Variants in ALMS1 observed in about 807,000 individuals in gnomAD.
ALMS1 encodes the protein centrosome-associated protein ALMS1.
In ALMS1, 271 loss-of-function variants were observed where a neutral mutation model predicts 352.2. The ratio of observed to expected loss-of-function variants is 0.77; its 90% CI spans 0.70 to 0.85. The LOEUF is 0.85. Ranked by LOEUF, ALMS1 falls within the 40% of genes least tolerant of loss-of-function variation. The probability of loss-of-function intolerance (pLI) is 0.00; values close to 1 mark genes in which losing one functional copy is unlikely to be tolerated. For synonymous variants in ALMS1, 1,865 were observed against 1,761.2 expected (o/e 1.06, Z -1.48); for missense variants, 5,445 against 4,870.7 (o/e 1.12, Z -3.51).
chr2:73,427,275 G>A (rs955236290), intron 6 of ALMS1, among the ~76,000 whole-genome samples: 2 of 152,174 alleles, frequency 1.3e-5, no homozygotes, highest in Non-Finnish European at 2.9e-5. Flanking sequence ...GAGGTGTCTT[G>A]AAAATTGTAA....
intron 11 of ALMS1, among the ~76,000 whole-genome samples, chr2:73,525,269 C>A (rs1673766424): frequency 6.6e-6 from 1 of 152,152 alleles, no homozygotes; most frequent in African/African-American, 2.4e-5. Flanking sequence ...TACTGACTTA[C>A]TTTATTTTGG....
At chr2:73,567,458 G>A (rs567541756) in intron 15 of ALMS1, among the ~76,000 whole-genome samples, 31 of 152,254 alleles carry the variant, frequency 2.0e-4, no homozygotes, top group African/African-American at 7.5e-4. Flanking sequence ...AGGAGCTAGG[G>A]TTAAGGCAAA....
chr2:73,525,930 A>G (rs1673781553), intron 11 of ALMS1, among the ~76,000 whole-genome samples: 1 of 152,088 alleles, frequency 6.6e-6, no homozygotes, highest in Non-Finnish European at 1.5e-5. Flanking sequence ...TAAGTCTTTA[A>G]TCCATTTTGA....
intron 9 of ALMS1, chr2:73,470,114 T>A (rs550096476): frequency 3.3e-5 from 5 of 151,994 alleles, no homozygotes; most frequent in Non-Finnish European, 7.4e-5. Flanking sequence ...TCTAGCTAAA[T>A]GTTTGTTAAC....
chr2:73,506,466 G>T (rs922215592), intron 10 of ALMS1, among the ~76,000 whole-genome samples: 14 of 152,106 alleles, frequency 9.2e-5, no homozygotes, highest in African/African-American at 3.4e-4. Context: ...ATTTCCTTGA[G>T]CAGTGGTTTG....
At chr2:73,394,232 A>C (rs981944490) in intron 1 of ALMS1, among the ~76,000 whole-genome samples, 1 of 152,138 alleles carries the variant, frequency 6.6e-6, no homozygotes, top group African/African-American at 2.4e-5. Flanking sequence ...GCCCCTTGCA[A>C]TTCCATATGA....
chr2:73,581,010 G>A (rs1675165913), intron 16 of ALMS1, among the ~76,000 whole-genome samples: 1 of 152,164 alleles, frequency 6.6e-6, no homozygotes, highest in Non-Finnish European at 1.5e-5. Flanking sequence ...TACTTGTACT[G>A]AGCCTAAAGG....
chr2:73,484,693 C>T (rs1395137407), intron 9 of ALMS1, among the ~76,000 whole-genome samples: 5 of 151,890 alleles, frequency 3.3e-5, no homozygotes, highest in Admixed American at 1.3e-4. Context: ...TCCATTCTCC[C>T]CATCACTTTC....
intron 10 of ALMS1, among the ~76,000 whole-genome samples, chr2:73,509,077 TA>T (rs1357145505): frequency 2.0e-5 from 3 of 151,856 alleles, no homozygotes; most frequent in African/African-American, 7.2e-5. Flanking sequence ...TTGTTGTTGT[TA>T]TTTTTTGCTT....
intron 6 of ALMS1, among the ~76,000 whole-genome samples, chr2:73,427,313 G>A (rs1671400548): frequency 6.6e-6 from 1 of 152,178 alleles, no homozygotes; most frequent in South Asian, 2.1e-4. Flanking sequence ...GAAGGATAAT[G>A]AAGTGCTTAA....
intron 10 of ALMS1, among the ~76,000 whole-genome samples, chr2:73,517,735 G>C (rs892558570): frequency 6.6e-5 from 10 of 151,000 alleles, no homozygotes; most frequent in African/African-American, 2.4e-4. Context: ...TCGGTTCATT[G>C]CAACCCCTGC....
chr2:73,451,746 C>G lies in ALMS1; in HGVS notation c.5219C>G (p.Ala1740Gly). The G allele has an allele frequency of 1.9e-6, 3 of 1,614,108 alleles. No homozygotes were observed. The highest frequency in any genetic ancestry group is 1.3e-5 in the African/African-American group (1 of 75,044). ...ACTCAAGAAGCTCTGAAAGTTTCAGCTGTTCCTCAACCAGCTGACCAGAAG... is the reference window on the plus strand; with the variant it reads ...ACTCAAGAAGCTCTGAAAGTTTCAGGTGTTCCTCAACCAGCTGACCAGAAG... ...ELTQEALKVS[A>G]VPQPADQKTG... Residue 1740 changes from alanine to glycine, a missense_variant, in exon 8 of 23, where the codon GCT becomes GGT. Coordinates refer to ENST00000613296, the MANE Select transcript of ALMS1 (RefSeq NM_001378454.1).
At chr2:73,590,651 C>G (rs892706796) in intron 16 of ALMS1, among the ~76,000 whole-genome samples, 2 of 135,116 alleles carry the variant, frequency 1.5e-5, no homozygotes, top group African/African-American at 2.7e-5. Context: ...ACTGTAGTTG[C>G]TGTTTTTTTA....
At chr2:73,460,984 C>T (rs184673552) in intron 9 of ALMS1, among the ~76,000 whole-genome samples, 2,479 of 152,370 alleles carry the variant, frequency 0.016, 67 homozygotes, top group African/African-American at 0.056. Flanking sequence ...AGGAGGCCTG[C>T]CTGCCTCTGT....
intron 11 of ALMS1, among the ~76,000 whole-genome samples, chr2:73,528,601 T>C (rs1485941533): frequency 6.6e-6 from 1 of 152,234 alleles, no homozygotes; most frequent in Non-Finnish European, 1.5e-5. Flanking sequence ...TTATTTTTAG[T>C]CTATTCATGG....
intron 10 of ALMS1, among the ~76,000 whole-genome samples, chr2:73,493,711 A>T (rs1300637544): frequency 6.6e-6 from 1 of 151,930 alleles, no homozygotes; most frequent in Non-Finnish European, 1.5e-5. Context: ...ACAAAGCGAG[A>T]CTCTGCCTCA....
intron 13 of ALMS1, among the ~76,000 whole-genome samples, chr2:73,554,062 T>G (rs1354893650): frequency 6.6e-6 from 1 of 152,192 alleles, no homozygotes; most frequent in East Asian, 1.9e-4. Context: ...TGACTTTTCT[T>G]GTAAGCCTCG....
intron 9 of ALMS1, among the ~76,000 whole-genome samples, chr2:73,472,775 G>A (rs1392111043): frequency 1.3e-5 from 2 of 151,998 alleles, no homozygotes; most frequent in Non-Finnish European, 2.9e-5. Flanking sequence ...TACAGATCTT[G>A]CTCTCAAAAA....
chr2:73,525,000 C>T (rs559275222), intron 11 of ALMS1, among the ~76,000 whole-genome samples: 2 of 152,110 alleles, frequency 1.3e-5, no homozygotes, highest in South Asian at 4.1e-4. Flanking sequence ...AGTTTCTGTT[C>T]CTATGCCTGG....
Sources: gnomAD v4.1 joint callset for allele counts (sites outside exome capture counted in the v4.1 genomes callset) on GRCh38, gnomAD v4.1.1 for gene constraint, MANE v1.5 for transcripts, NCBI Gene and HGNC (gene_info 2026-07-23, HGNC 2026-07-21) for gene names.